Variants in FBN2 observed in about 807,000 individuals in gnomAD.
FBN2 encodes fibrillin-2.
In FBN2, 105 loss-of-function variants were observed where a neutral mutation model predicts 355.6. The ratio of observed to expected loss-of-function variants is 0.30; its 90% CI spans 0.25 to 0.35. The LOEUF (loss-of-function observed/expected upper bound fraction) is 0.35. Among genes scored for constraint, FBN2 ranks in the 10% least tolerant of loss-of-function variants. The pLI is 1.00. For synonymous variants in FBN2, 1,350 were observed against 1,301.2 expected (o/e 1.04, Z -0.81); for missense variants, 3,280 against 3,758.7 (o/e 0.87, Z 3.33).
chr5:128,415,679 G>A (rs1371256467), intron 7 of FBN2, among the ~76,000 whole-genome samples: 1 of 152,138 alleles, frequency 6.6e-6, no homozygotes, highest in Non-Finnish European at 1.5e-5. Flanking sequence ...GGGTGCAGGT[G>A]TCCCTCTGAT....
At chr5:128,276,635 C>T (rs1254069793) in intron 58 of FBN2, among the ~76,000 whole-genome samples, 1 of 152,114 alleles carries the variant, frequency 6.6e-6, no homozygotes, top group African/African-American at 2.4e-5. Flanking sequence ...AGAGATGGAG[C>T]TCTACAGACT....
At chr5:128,504,267 C>T (rs1380541342) in intron 5 of FBN2, among the ~76,000 whole-genome samples, 1 of 152,148 alleles carries the variant, frequency 6.6e-6, no homozygotes, top group African/African-American at 2.4e-5. Context: ...TGTGGGGTCG[C>T]AGCCCCCACA....
chr5:128,469,586 C>T lies in FBN2; in HGVS notation c.629-4665G>A, dbSNP rs934647867. On this transcript the variant is annotated intron_variant, in intron 5 of 64. Coordinates refer to ENST00000262464, the MANE Select transcript of FBN2 (RefSeq NM_001999.4). ...CTTCTTTCTGGCATGGAATGACAAG[C>T]TTATATTTGTATTCTAAAGTGTTAA... Among the ~76,000 whole-genome samples, 6 of 150,116 alleles carry T rather than the reference C, an allele frequency of 4.0e-5. No individual in the cohort carries two copies. In the East Asian group the frequency reaches 1.2e-3, roughly 29 times the overall value.
At chr5:128,485,071 C>G (rs1330409560) in intron 5 of FBN2, among the ~76,000 whole-genome samples, 1 of 151,864 alleles carries the variant, frequency 6.6e-6, no homozygotes, top group African/African-American at 2.4e-5. Context: ...TTGCCTAGGC[C>G]TGAGTGCAAT....
At chr5:128,442,715 G>A (rs1753954336) in intron 7 of FBN2, among the ~76,000 whole-genome samples, 1 of 151,982 alleles carries the variant, frequency 6.6e-6, no homozygotes. Flanking sequence ...AGCAAAGGGG[G>A]ATAATAACTG....
intron 17 of FBN2, 138 bp downstream of exon 17, chr5:128,366,239 C>G: frequency 4.4e-6 from 2 of 453,158 alleles, no homozygotes; most frequent in Non-Finnish European, 7.9e-6. Context: ...CTTATAACCA[C>G]TGCTCTAGGA....
At chr5:128,423,964 A>G (rs1397117036) in intron 7 of FBN2, among the ~76,000 whole-genome samples, 1 of 152,184 alleles carries the variant, frequency 6.6e-6, no homozygotes, top group Non-Finnish European at 1.5e-5. Context: ...AAAATGGGTG[A>G]TTTGTACCCA....
intron 3 of FBN2, among the ~76,000 whole-genome samples, chr5:128,529,727 G>A (rs1248095567): frequency 6.6e-6 from 1 of 152,226 alleles, no homozygotes; most frequent in Non-Finnish European, 1.5e-5. Flanking sequence ...AGAAAGAGAG[G>A]TTCAGGTTAA....
Position 128,392,116 on chromosome 5 carries a change from G to T in FBN2, c.1505C>A (p.Ala502Asp). Reference sequence around the variant, plus strand: ...ACAGCGTCCATTTAAACAAAGGTTAGCATGATGCTTACAGATATCTATTGT... The same window carrying T: ...ACAGCGTCCATTTAAACAAAGGTTATCATGATGCTTACAGATATCTATTGT... Reference protein sequence around the residue: ...NQTIDICKHHANLCLNGRCIP... With the variant: ...NQTIDICKHHDNLCLNGRCIP... Residue 502 changes from alanine to aspartate, a missense_variant, in exon 11 of 65, where the codon GCT becomes GAT. Ala to Asp is a moderately radical substitution (Grantham distance 126, BLOSUM62 -2). Coordinates refer to ENST00000262464, the MANE Select transcript of FBN2 (RefSeq NM_001999.4). 2 of 1,613,528 alleles carry T rather than the reference G, an allele frequency of 1.2e-6. No individual in the cohort carries two copies. The highest frequency in any genetic ancestry group is 2.2e-5 in the South Asian group (2 of 91,062).
chr5:128,437,270 G>A (rs1269521106), intron 7 of FBN2, among the ~76,000 whole-genome samples: 1 of 152,112 alleles, frequency 6.6e-6, no homozygotes, highest in Non-Finnish European at 1.5e-5. Flanking sequence ...AACACGCTAT[G>A]GTATAGCTAC....
chr5:128,278,044 T>C, intron 57 of FBN2, 39 bp from the exon 58 acceptor site: 1 of 1,610,102 alleles, frequency 6.2e-7, no homozygotes, highest in Non-Finnish European at 8.5e-7. Context: ...GGAGTTAACA[T>C]ATATGCAAGG....
At chr5:128,527,814 A>AT (rs1419733343) in intron 4 of FBN2, 58 bp downstream of exon 4, 33 of 1,228,782 alleles carry the variant, frequency 2.7e-5, no homozygotes, top group Non-Finnish European at 3.7e-5. Flanking sequence ...CTTAAATTAT[A>AT]ACTTAATATG....
chr5:128,433,109 T>G (rs2127033554), intron 7 of FBN2, among the ~76,000 whole-genome samples: 1 of 152,174 alleles, frequency 6.6e-6, no homozygotes, highest in Admixed American at 6.5e-5. Flanking sequence ...ATGATGAGAT[T>G]TGGGTGGAGA....
chr5:128,397,741 G>T (rs965221995), intron 8 of FBN2, among the ~76,000 whole-genome samples: 1 of 152,126 alleles, frequency 6.6e-6, no homozygotes, highest in Non-Finnish European at 1.5e-5. Flanking sequence ...GAGGTGAAAT[G>T]AGAATCTTAG....
chr5:128,344,203 A>G (rs1029687989), intron 25 of FBN2, among the ~76,000 whole-genome samples, 182 bp downstream of exon 25: 7 of 152,304 alleles, frequency 4.6e-5, no homozygotes, highest in African/African-American at 1.7e-4. Flanking sequence ...GTGAGCCATG[A>G]TCATGTCTCT....
At chr5:128,320,412 C>T (rs1750337843) in intron 34 of FBN2, among the ~76,000 whole-genome samples, 1 of 152,024 alleles carries the variant, frequency 6.6e-6, no homozygotes, top group African/African-American at 2.4e-5. Flanking sequence ...CAGGGTCTCC[C>T]TATGTGGCCT....
chr5:128,304,916 C>T (rs1006038339), intron 45 of FBN2, 41 bp downstream of exon 45: 2 of 1,613,410 alleles, frequency 1.2e-6, no homozygotes, highest in Non-Finnish European at 1.7e-6. Context: ...TTCTGGAACC[C>T]CAGCCCCACT....
intron 5 of FBN2, among the ~76,000 whole-genome samples, chr5:128,489,470 A>C (rs532189922): frequency 2.0e-5 from 3 of 151,900 alleles, no homozygotes; most frequent in African/African-American, 7.2e-5. Flanking sequence ...ATATCTTTTC[A>C]CTTAAACATT....
In FBN2 at chr5:128,288,446, T is replaced by C. The variant is rs1299475008; in HGVS notation, c.6749A>G (p.Asn2250Ser). The change falls in exon 53 of 65, where the codon AAT becomes AGT. Residue 2250 changes from asparagine to serine, a missense_variant. Physicochemically the swap from Asn to Ser is conservative, Grantham distance 46. Around this residue, in one of 6 missense-constraint regions of FBN2, gnomAD observed 2,284 missense variants for 2,749.5 expected, o/e 0.83. Coordinates refer to ENST00000262464, the MANE Select transcript of FBN2 (RefSeq NM_001999.4). The part of the protein sequence containing the change: ...NEGFEPGPMM[N>S]CEDINECAQN... ...AGACAAAGATCACTTGCCTTCACAA[T>C]TCATCATGGGCCCTGGCTCAAAGCC... 24 of 1,613,980 alleles carry C rather than the reference T, an allele frequency of 1.5e-5. No individual in the cohort carries two copies. Among genetic ancestry groups the C allele is most frequent in the Non-Finnish European group, 2.0e-5 (24 of 1,179,882 alleles).
Sources: allele counts gnomAD v4.1 joint callset (sites outside exome capture counted in the v4.1 genomes callset), GRCh38; gene constraint gnomAD v4.1.1; regional missense constraint gnomAD v4.1.1; transcripts MANE v1.5; gene names NCBI Gene and HGNC (gene_info 2026-07-23, HGNC 2026-07-21).